Variants in RRBP1 observed in about 807,000 individuals in gnomAD.
RRBP1 encodes the protein ribosome-binding protein 1.
Under a neutral mutation model 165.2 loss-of-function variants are expected in RRBP1, and 94 were observed. That is an observed-to-expected ratio of 0.57 (90% CI 0.48 to 0.68). The LOEUF is 0.68. RRBP1 is among the 30% of genes least tolerant of loss of function. The probability of loss-of-function intolerance (pLI) is 0.00; values close to 1 mark genes in which losing one functional copy is unlikely to be tolerated. For missense variants in RRBP1, 1,676 were observed against 1,763.0 expected (o/e 0.95, Z 0.88); for synonymous variants, 680 against 714.5 (o/e 0.95, Z 0.77).
At chr20:17,653,750 C>T (rs2036599249) in intron 3 of RRBP1, among the ~76,000 whole-genome samples, 1 of 150,938 alleles carries the variant, frequency 6.6e-6, no homozygotes, top group Admixed American at 6.6e-5. Context: ...AGGAGAATTG[C>T]TTAAACCCAA....
intron 11 of RRBP1, among the ~76,000 whole-genome samples, chr20:17,625,997 C>T (rs758358282): frequency 2.0e-5 from 3 of 152,110 alleles, no homozygotes; most frequent in Non-Finnish European, 4.4e-5. Context: ...AATGAGACTC[C>T]GAGGAAGAGG....
intron 8 of RRBP1, 128 bp from the exon 9 acceptor site, chr20:17,630,089 A>G: frequency 3.1e-6 from 3 of 963,970 alleles, no homozygotes; most frequent in Non-Finnish European, 2.9e-6. Flanking sequence ...CCATGTGGGA[A>G]GGAAATGCAT....
chr20:17,644,342 C>G (rs2036424920), intron 3 of RRBP1, among the ~76,000 whole-genome samples: 1 of 140,052 alleles, frequency 7.1e-6, no homozygotes, highest in Non-Finnish European at 1.5e-5. Context: ...CCCCTTCAAC[C>G]TTCTTTTCAC....
intron 3 of RRBP1, among the ~76,000 whole-genome samples, chr20:17,648,131 G>A (rs544255268): frequency 1.3e-5 from 2 of 152,176 alleles, no homozygotes; most frequent in Non-Finnish European, 2.9e-5. Flanking sequence ...CTCAACCTGA[G>A]GAGCCGGCTC....
chr20:17,634,459 G>A (rs2036210894), intron 7 of RRBP1, among the ~76,000 whole-genome samples: 1 of 152,216 alleles, frequency 6.6e-6, no homozygotes, highest in African/African-American at 2.4e-5. Flanking sequence ...TCAGCTCCAT[G>A]CTTCACAAGG....
intron 4 of RRBP1, among the ~76,000 whole-genome samples, chr20:17,642,435 G>C (rs1011641819): frequency 1.3e-5 from 2 of 152,154 alleles, no homozygotes; most frequent in Admixed American, 1.3e-4. Context: ...GCCAGGAAGG[G>C]AGTGACCCCA....
At chr20:17,633,392 T>A in intron 8 of RRBP1, 68 bp downstream of exon 8, 3 of 1,538,530 alleles carry the variant, frequency 1.9e-6, no homozygotes, top group Non-Finnish European at 2.6e-6. Context: ...CCTGGGCCCA[T>A]CCCCGCTATG....
chr20:17,639,517 G>C (rs1476896521), intron 5 of RRBP1, among the ~76,000 whole-genome samples: 1 of 152,244 alleles, frequency 6.6e-6, no homozygotes, highest in Non-Finnish European at 1.5e-5. Context: ...ATTAAGGTAA[G>C]AGGAACTGCC....
rs780092402 is a variant in RRBP1, at chr20:17,627,402, C to T, written c.2929-20G>A. 9 of 1,613,726 alleles carry T rather than the reference C, an allele frequency of 5.6e-6. No homozygotes were observed. The East Asian group carries it at 1.1e-4, about 20-fold the overall frequency. On this transcript the variant is annotated intron_variant, in intron 10 of 24. Coordinates refer to ENST00000377813, the MANE Select transcript of RRBP1 (RefSeq NM_001365613.2). ...GCTGGCCTGGAATGAGAGACAAAAGCTCCTTGGTCTCCAGGAGACTCATCT... is the reference window on the plus strand; with the variant it reads ...GCTGGCCTGGAATGAGAGACAAAAGTTCCTTGGTCTCCAGGAGACTCATCT...
At chr20:17,645,839 G>A (rs1309038622) in intron 3 of RRBP1, among the ~76,000 whole-genome samples, 1 of 152,172 alleles carries the variant, frequency 6.6e-6, no homozygotes, top group African/African-American at 2.4e-5. Flanking sequence ...ACTTCAAAAG[G>A]CCCAGGGTGC....
rs200114117 is a variant in RRBP1 at position 17,636,673 on chromosome 20, C to G, written c.2241G>C (p.Gln747His). 1.2e-6 allele frequency: 2 copies of G among 1,613,410 alleles called. No homozygotes were observed. The highest frequency in any genetic ancestry group is 1.7e-6 in the Non-Finnish European group (2 of 1,180,034). Residue 747 changes from glutamine to histidine, a missense_variant, in exon 6 of 25, where the codon CAG becomes CAC. By Grantham distance (24) the Gln-to-His change is conservative. Transcript: ENST00000377813. ...TGATCTCCTGCTCCCGGGCCACCAGCTGCTTTTTCACTTTGGCCTCCCCGG... is the reference window on the plus strand; with the variant it reads ...TGATCTCCTGCTCCCGGGCCACCAGGTGCTTTTTCACTTTGGCCTCCCCGG... ...AAAGEAKVKK[Q>H]LVAREQEITA...
rs1421657087 is a variant in RRBP1, at chr20:17,621,735, G to T, written c.3279C>A (p.Gly1093=). 16 of 1,613,834 alleles carry T rather than the reference G, an allele frequency of 9.9e-6. No individual in the cohort carries two copies. The highest frequency in any genetic ancestry group is 1.1e-5 in the Non-Finnish European group (13 of 1,180,018). Residue 1093 remains glycine (G), a synonymous_variant, in exon 15 of 25, where the codon GGC becomes GGA. Coordinates refer to ENST00000377813, the MANE Select transcript of RRBP1 (RefSeq NM_001365613.2). ...TEWLQDLKEK[G]PTLLKHPPAP... ...CTGGCGGGTGCTTCAGCAGCGTGGGGCCTTTCTCTTTGAGATCCTGCAGCC... is the reference window on the plus strand; with the variant it reads ...CTGGCGGGTGCTTCAGCAGCGTGGGTCCTTTCTCTTTGAGATCCTGCAGCC...
At chr20:17,627,703 CGAG>C (rs138823930) in intron 9 of RRBP1, 21 bp from the exon 10 acceptor site, 25,387 of 1,568,060 alleles carry the variant, frequency 0.016, 478 homozygotes, top group African/African-American at 0.083. Context: ...GGAAGGGAAA[CGAG>C]AAGTTAAGAG....
intron 7 of RRBP1, among the ~76,000 whole-genome samples, chr20:17,634,598 G>A (rs1398340642): frequency 1.3e-5 from 2 of 152,238 alleles, no homozygotes; most frequent in East Asian, 1.9e-4. Context: ...CAGAGCTTCT[G>A]GACTGGCAGG....
intron 13 of RRBP1, among the ~76,000 whole-genome samples, chr20:17,623,830 G>GCT (rs1177163086): frequency 1.3e-5 from 2 of 152,064 alleles, no homozygotes; most frequent in Non-Finnish European, 2.9e-5. Flanking sequence ...TACTTGAGAG[G>GCT]GTGAGGCAGG....
At chr20:17,625,388 G>T in intron 12 of RRBP1, 124 bp downstream of exon 12, 1 of 797,486 alleles carries the variant, frequency 1.3e-6, no homozygotes, top group Non-Finnish European at 2.1e-6. Flanking sequence ...CAGCACAATG[G>T]GGTGTAGAAA....
intron 3 of RRBP1, among the ~76,000 whole-genome samples, chr20:17,645,305 C>T (rs943915052): frequency 1.6e-4 from 24 of 152,322 alleles, no homozygotes; most frequent in African/African-American, 5.3e-4. Flanking sequence ...GTTCTCGGAG[C>T]GGCATTCTCA....
At chr20:17,642,883 T>C (rs1600752400) in intron 4 of RRBP1, 96 bp downstream of exon 4, 2 of 1,315,140 alleles carry the variant, frequency 1.5e-6, no homozygotes, top group South Asian at 2.6e-5. Flanking sequence ...GTGGAGGCTG[T>C]CCTATGAATG....
chr20:17,663,905 A>T (rs1424719750), intron 2 of RRBP1, among the ~76,000 whole-genome samples: 1 of 152,192 alleles, frequency 6.6e-6, no homozygotes, highest in Non-Finnish European at 1.5e-5. Context: ...TGTCAATTCC[A>T]GAAACTTCTG....
Sources: gnomAD v4.1 joint callset for allele counts (sites outside exome capture counted in the v4.1 genomes callset) on GRCh38, gnomAD v4.1.1 for gene constraint, MANE v1.5 for transcripts, NCBI Gene and HGNC (gene_info 2026-07-23, HGNC 2026-07-21) for gene names.